Variants in HHATL observed in about 807,000 individuals in gnomAD.
HHATL encodes hedgehog acyltransferase like, also known as protein-cysteine N-palmitoyltransferase HHAT-like protein.
HHATL carries 49 observed loss-of-function variants against 59.7 expected under a neutral mutation model. That is an observed-to-expected ratio of 0.82 (90% CI 0.65 to 1.04). HHATL has a LOEUF of 1.04. Among genes scored for constraint, HHATL ranks in the 50% least tolerant of loss-of-function variants. The pLI, the probability that HHATL is intolerant of heterozygous loss-of-function variation, is 0.00. For missense variants in HHATL, 605 were observed against 650.8 expected (o/e 0.93, Z 0.77); for synonymous variants, 238 against 257.3 (o/e 0.93, Z 0.72).
intron 9 of HHATL, among the ~76,000 whole-genome samples, chr3:42,696,007 T>C (rs571911160): frequency 4.1e-4 from 63 of 151,934 alleles, no homozygotes; most frequent in Admixed American, 1.8e-3. Context: ...CTTCCAGGAG[T>C]CATCACACAC....
intron 5 of HHATL, 53 bp from the exon 6 acceptor site, chr3:42,698,404 G>C (rs758379867): frequency 6.5e-7 from 1 of 1,539,382 alleles, no homozygotes; most frequent in African/African-American, 1.4e-5. Flanking sequence ...CCTGTCTCTG[G>C]AAAACCTATT....
In HHATL at chr3:42,693,203, G is replaced by T. The variant is rs1333699751; in HGVS notation, c.1264C>A (p.Gln422Lys). 3.7e-6 allele frequency: 6 copies of T among 1,614,168 alleles called. No homozygotes were observed. The highest frequency in any genetic ancestry group is 5.1e-6 in the Non-Finnish European group (6 of 1,180,018). ...AGGGCCCGGACCCTACGGGACATCT[G>T]CACTGACAGAGAGGCCTATCCGGTC... Reference protein sequence around the residue: ...LARIEASLSVQMSRRVRALFG... With the variant: ...LARIEASLSVKMSRRVRALFG... The change falls in exon 11 of 12, where the codon CAG becomes AAG. Residue 422 changes from glutamine (Q) to lysine (K), a missense_variant. Transcript: ENST00000441594.
rs137855573 is a variant in HHATL at position 42,696,867 on chromosome 3, G to A, written c.1021C>T (p.Arg341Cys). The A allele has an allele frequency of 1.6e-4, 255 of 1,614,052 alleles. No homozygotes were observed. In the African/African-American group the frequency reaches 2.0e-3, roughly 13 times the overall value. Residue 341 changes from arginine (R) to cysteine (C), a missense_variant, in exon 9 of 12, where the codon CGT becomes TGT. Physicochemically the swap from Arg to Cys is radical, Grantham distance 180. Coordinates refer to ENST00000441594, the MANE Select transcript of HHATL (RefSeq NM_020707.4). ...LYVFAETHFD[R>C]GINDWLCKYV... ...TTGCAAAGCCAGTCGTTGATGCCAC[G>A]GTCAAAGTGCCTGTAAGAGGAAAGC...
At chr3:42,694,224 T>G in intron 9 of HHATL, 1 of 213,312 alleles carries the variant, frequency 4.7e-6, no homozygotes. Flanking sequence ...GGCACCACCA[T>G]CCATTCAGTT....
At chr3:42,698,457 C>A in intron 5 of HHATL, 106 bp from the exon 6 acceptor site, 1 of 1,101,568 alleles carries the variant, frequency 9.1e-7, no homozygotes, top group South Asian at 1.5e-5. Context: ...CTGGTCCTGT[C>A]CCTTCCTCTC....
At chr3:42,695,537 T>G (rs339696) in intron 9 of HHATL, among the ~76,000 whole-genome samples, 97,544 of 151,724 alleles carry the variant, frequency 0.64, 31,788 homozygotes, top group East Asian at 0.88. Context: ...TGCTTCTCCC[T>G]TGCTCTGCAA....
At chr3:42,697,189 G>C (rs562525840) in intron 7 of HHATL, 44 bp from the exon 8 acceptor site, 25 of 1,507,042 alleles carry the variant, frequency 1.7e-5, no homozygotes, top group Non-Finnish European at 2.0e-5. Flanking sequence ...AATCGCCTGG[G>C]GCCTGCCCCC....
intron 9 of HHATL, among the ~76,000 whole-genome samples, chr3:42,694,750 A>T (rs1345156093): frequency 6.6e-6 from 1 of 152,128 alleles, no homozygotes; most frequent in African/African-American, 2.4e-5. Flanking sequence ...TCTCTGCTCC[A>T]CATCTCCTTA....
intron 4 of HHATL, 53 bp downstream of exon 4, chr3:42,698,979 G>C: frequency 2.5e-6 from 4 of 1,611,428 alleles, no homozygotes; most frequent in Non-Finnish European, 3.4e-6. Flanking sequence ...CACAACCCTT[G>C]TGGTGAAAGA....
At chr3:42,696,978 C>T (rs114875568) in intron 8 of HHATL, 23 bp downstream of exon 8, 1 of 1,611,742 alleles carries the variant, frequency 6.2e-7, no homozygotes, top group Non-Finnish European at 8.5e-7. Flanking sequence ...GGGTGAGCCT[C>T]CCCCGTCCTG....
In HHATL at chr3:42,697,126, G is replaced by T. The variant is rs1210947153; in HGVS notation, c.885C>A (p.Asn295Lys). ...CCGCCTTCACCCAGTCATACACCAG[G>T]TTTGAATAGGCTAGGCCAGCTGGGG... ...DSALAGLAYS[N>K]LVYDWVKAAV... Residue 295 changes from asparagine (N) to lysine (K), a missense_variant, in exon 8 of 12, where the codon AAC (asparagine) becomes AAA (lysine). Asn to Lys is a moderately conservative substitution (Grantham distance 94). Transcript: ENST00000441594. 6.5e-7 allele frequency: 1 copy of T among 1,543,320 alleles called. No individual in the cohort carries two copies. Among genetic ancestry groups the T allele is most frequent in the Admixed American group, 1.9e-5 (1 of 51,740 alleles).
chr3:42,699,827 T>G lies in HHATL; in HGVS notation c.107-2A>C. The G allele has an allele frequency of 6.4e-7, 1 of 1,559,598 alleles. No individual in the cohort carries two copies. On this transcript the variant is annotated splice_acceptor_variant, in intron 2 of 11. Transcript: ENST00000441594. LOFTEE classifies it high-confidence loss of function. The stretch of plus-strand genomic sequence containing the variant: ...GGAAGGCCTTCCTGTGGGCCCCATC[T>G]GAGAACAGAGTGTGGCCTCAGGGAG...
chr3:42,700,901 G>A, intron 1 of HHATL, 62 bp from the exon 2 acceptor site: 1 of 1,150,898 alleles, frequency 8.7e-7, no homozygotes, highest in South Asian at 1.3e-5. Context: ...CCACCTCATG[G>A]TCCCACCACC....
At chr3:42,693,852 T>C in intron 9 of HHATL, 34 bp from the exon 10 acceptor site, 1 of 1,573,240 alleles carries the variant, frequency 6.4e-7, no homozygotes, top group Non-Finnish European at 8.7e-7. Flanking sequence ...CCACTGGGAG[T>C]GTGGGAAAGG....
Position 42,700,913 on chromosome 3 carries a change from C to T in HHATL, c.-13-74G>A, listed in dbSNP as rs369126951. 7.9e-4 allele frequency: 752 copies of T among 947,776 alleles called. 10 individuals carry two copies. The East Asian group carries it at 0.016, about 20-fold the overall frequency. The allele number at this position is 947,776 out of a possible 1,614,324, so 58.7% of individuals were successfully genotyped here. A position where few individuals can be genotyped will look rare whatever the true frequency, so the allele number is the denominator to read the frequency against. ...GCCCCACCTCATGGTCCCACCACCC[C>T]AGTGGGGACCCACTCTGAAGAGAGA... On this transcript the variant is annotated intron_variant, in intron 1 of 11. Coordinates refer to ENST00000441594, the MANE Select transcript of HHATL (RefSeq NM_020707.4).
intron 3 of HHATL, 128 bp downstream of exon 3, chr3:42,699,630 A>G: frequency 1.4e-6 from 1 of 740,360 alleles, no homozygotes; most frequent in Non-Finnish European, 2.3e-6. Flanking sequence ...AAAGAAGCTG[A>G]AGGCACTGAA....
intron 2 of HHATL, 27 bp downstream of exon 2, chr3:42,700,694 C>CCA: frequency 6.6e-7 from 1 of 1,524,114 alleles, no homozygotes; most frequent in East Asian, 2.3e-5. Context: ...AGGGTCCTGT[C>CCA]CACCTGCCCC....
rs1043037349 is a variant in HHATL at position 42,702,643 on chromosome 3, C to A, written c.-78G>T. ...TCAGGCTCTGGGGTCCGGCTTCCAA[C>A]TGTCCGTCCGTGCGACCGGCTGAGC... On this transcript the variant is annotated 5_prime_UTR_variant, in exon 1 of 12. Transcript: ENST00000441594. 6.5e-6 allele frequency: 1 copy of A among 152,750 alleles called. No individual in the cohort carries two copies. The highest frequency in any genetic ancestry group is 1.5e-5 in the Non-Finnish European group (1 of 68,480). 9.5% of individuals were successfully genotyped at this position (152,750 alleles called of 1,614,324 possible).
rs1263882783 is a variant in HHATL at position 42,700,709 on chromosome 3, C to T, written c.106+12G>A. On this transcript the variant is annotated intron_variant, in intron 2 of 11. Coordinates refer to ENST00000441594, the MANE Select transcript of HHATL (RefSeq NM_020707.4). ...AGGGTCCTGTCCACCTGCCCCGGGG[C>T]ACAGCCATTACCTTGTGAAGCCTCA... 1.9e-6 allele frequency: 3 copies of T among 1,589,190 alleles called. No homozygotes were observed. In the South Asian group the frequency reaches 3.3e-5, roughly 18 times the overall value.
Sources: allele counts gnomAD v4.1 joint callset (sites outside exome capture counted in the v4.1 genomes callset), GRCh38; gene constraint gnomAD v4.1.1; transcripts MANE v1.5; gene names NCBI Gene and HGNC (gene_info 2026-07-23, HGNC 2026-07-21).